CDH12: variants seen among roughly 807,000 people sequenced by gnomAD.
CDH12 encodes cadherin-12.
Under a neutral mutation model 74.1 loss-of-function variants are expected in CDH12, and 41 were observed. The ratio of observed to expected loss-of-function variants is 0.55; its 90% CI spans 0.43 to 0.72. The LOEUF (loss-of-function observed/expected upper bound fraction) is 0.72. CDH12 is among the 30% of genes least tolerant of loss of function. The pLI, the probability that CDH12 is intolerant of heterozygous loss-of-function variation, is 0.00. For missense variants in CDH12, 945 were observed against 977.2 expected, an observed-to-expected ratio of 0.97 and a Z score of 0.44; for synonymous variants, 399 against 355.0, an observed-to-expected ratio of 1.12 and a Z score of -1.39.
At chr5:22,325,712 C>T (rs1467972002) in intron 3 of CDH12, among the ~76,000 whole-genome samples, 1 of 152,038 alleles carries the variant, frequency 6.6e-6, no homozygotes, top group African/African-American at 2.4e-5. Context: ...CGGTGAAACC[C>T]CGTCTCTACT....
chr5:22,828,230 A>G (rs139797005), intron 1 of CDH12, among the ~76,000 whole-genome samples: 180 of 152,310 alleles, frequency 1.2e-3, no homozygotes, highest in African/African-American at 2.8e-3. Context: ...AGTGAATCTG[A>G]GAAGAAAGAA....
At chr5:22,127,730 A>T (rs1580294174) in intron 4 of CDH12, among the ~76,000 whole-genome samples, 2 of 152,310 alleles carry the variant, frequency 1.3e-5, no homozygotes, top group African/African-American at 4.8e-5. Flanking sequence ...CAGAACTGGC[A>T]CAATTTAGAA....
intron 4 of CDH12, among the ~76,000 whole-genome samples, chr5:22,137,885 T>C (rs1323720737): frequency 6.6e-6 from 1 of 152,124 alleles, no homozygotes; most frequent in African/African-American, 2.4e-5. Context: ...CTTTTATTTC[T>C]CTGTGTACAC....
chr5:22,718,937 T>A (rs1210713100), intron 1 of CDH12, among the ~76,000 whole-genome samples: 2 of 152,222 alleles, frequency 1.3e-5, no homozygotes, highest in Non-Finnish European at 2.9e-5. Context: ...TTTCCTTCGC[T>A]GATTTTGAGT....
At chr5:22,004,441 C>A (rs888433126) in intron 5 of CDH12, among the ~76,000 whole-genome samples, 11 of 152,088 alleles carry the variant, frequency 7.2e-5, no homozygotes, top group African/African-American at 2.7e-4. Flanking sequence ...CTTTCTGGCC[C>A]CTACACTCAT....
chr5:22,275,755 A>G (rs1369330326), intron 3 of CDH12, among the ~76,000 whole-genome samples: 3 of 152,200 alleles, frequency 2.0e-5, no homozygotes, highest in Non-Finnish European at 2.9e-5. Context: ...CATCAAAGTC[A>G]TAGAAAACTA....
At chr5:22,171,517 C>T (rs1458737376) in intron 4 of CDH12, among the ~76,000 whole-genome samples, 1 of 151,878 alleles carries the variant, frequency 6.6e-6, no homozygotes, top group African/African-American at 2.4e-5. Flanking sequence ...CAAAGGGCGG[C>T]CTTCTATATG....
intron 1 of CDH12, among the ~76,000 whole-genome samples, chr5:22,749,158 T>C (rs570745958): frequency 6.6e-6 from 1 of 152,342 alleles, no homozygotes; most frequent in East Asian, 1.9e-4. Flanking sequence ...ATATGAGTTG[T>C]AACGTGCAAG....
chr5:22,666,415 G>T (rs1052591904), intron 1 of CDH12, among the ~76,000 whole-genome samples: 16 of 148,986 alleles, frequency 1.1e-4, no homozygotes, highest in African/African-American at 3.9e-4. Context: ...TCAGCCTCCC[G>T]AGTAGCTGGG....
At chr5:22,592,517 G>A (rs201256799) in intron 1 of CDH12, among the ~76,000 whole-genome samples, 2 of 151,734 alleles carry the variant, frequency 1.3e-5, no homozygotes, top group Admixed American at 6.6e-5. Context: ...CTCTTCCTTC[G>A]TTTTCTCTTT....
At chr5:22,810,519 AG>A (rs1749086728) in intron 1 of CDH12, among the ~76,000 whole-genome samples, 1 of 152,136 alleles carries the variant, frequency 6.6e-6, no homozygotes, top group African/African-American at 2.4e-5. Flanking sequence ...CAATTTAATA[AG>A]GAAATGGAGT....
At chr5:22,623,928 C>G (rs1319442336) in intron 1 of CDH12, among the ~76,000 whole-genome samples, 1 of 152,166 alleles carries the variant, frequency 6.6e-6, no homozygotes, top group Admixed American at 6.5e-5. Flanking sequence ...TACAAGGCTA[C>G]AGTAAACAAA....
intron 3 of CDH12, among the ~76,000 whole-genome samples, chr5:22,362,744 T>C (rs1426164471): frequency 6.6e-6 from 1 of 151,816 alleles, no homozygotes; most frequent in Non-Finnish European, 1.5e-5. Flanking sequence ...TGGAATACTA[T>C]GCAGCCATAA....
chr5:22,838,992 T>A (rs905999279), intron 1 of CDH12, among the ~76,000 whole-genome samples: 23 of 152,288 alleles, frequency 1.5e-4, no homozygotes, highest in African/African-American at 5.5e-4. Context: ...ATGTATAGAT[T>A]AGCCTTTTAG....
intron 2 of CDH12, among the ~76,000 whole-genome samples, chr5:22,456,565 C>G (rs1307293078): frequency 6.6e-6 from 1 of 151,916 alleles, no homozygotes; most frequent in Non-Finnish European, 1.5e-5. Flanking sequence ...AGATTTAACA[C>G]GTGCCCAATC....
intron 1 of CDH12, among the ~76,000 whole-genome samples, chr5:22,532,094 G>C (rs1737609959): frequency 6.6e-6 from 1 of 151,678 alleles, no homozygotes; most frequent in Admixed American, 6.6e-5. Context: ...TAAGAAATAG[G>C]AAATAAGAGA....
intron 6 of CDH12, among the ~76,000 whole-genome samples, chr5:21,887,861 T>C (rs556138128): frequency 1.2e-3 from 176 of 152,252 alleles, no homozygotes; most frequent in African/African-American, 4.1e-3. Flanking sequence ...TCAAATACTT[T>C]TGAGCAGTGC....
intron 4 of CDH12, among the ~76,000 whole-genome samples, chr5:22,182,821 A>G (rs538763577): frequency 1.1e-4 from 17 of 151,818 alleles, no homozygotes; most frequent in African/African-American, 3.6e-4. Context: ...GATCAACACT[A>G]TAAGTTCTAA....
At chr5:22,004,727 G>C (rs1300515225) in intron 5 of CDH12, among the ~76,000 whole-genome samples, 5 of 152,126 alleles carry the variant, frequency 3.3e-5, no homozygotes, top group African/African-American at 4.8e-5. Flanking sequence ...GGTGAGGTTT[G>C]TGCTTCTAAT....
Sources: gnomAD v4.1 joint callset for allele counts (sites outside exome capture counted in the v4.1 genomes callset) on GRCh38, gnomAD v4.1.1 for gene constraint, MANE v1.5 for transcripts, NCBI Gene and HGNC (gene_info 2026-07-23, HGNC 2026-07-21) for gene names.